Variants in TDRD9 observed in about 807,000 individuals in gnomAD.
TDRD9 encodes ATP-dependent RNA helicase TDRD9.
In TDRD9, 124 loss-of-function variants were observed where a neutral mutation model predicts 172.6. The ratio of observed to expected loss-of-function variants is 0.72; its 90% CI spans 0.62 to 0.83. The LOEUF (loss-of-function observed/expected upper bound fraction) is 0.83. Among genes scored for constraint, TDRD9 ranks in the 40% least tolerant of loss-of-function variants. The pLI, the probability that TDRD9 is intolerant of heterozygous loss-of-function variation, is 0.00. For missense variants in TDRD9, 1,479 were observed against 1,714.1 expected (o/e 0.86, Z 2.42); for synonymous variants, 619 against 617.1 (o/e 1.00, Z -0.05).
At chr14:104,014,336 G>A (rs936085097) in intron 20 of TDRD9, among the ~76,000 whole-genome samples, 1 of 150,748 alleles carries the variant, frequency 6.6e-6, no homozygotes, top group African/African-American at 2.5e-5. Flanking sequence ...CTGTAGTACA[G>A]TGACACAATC....
intron 5 of TDRD9, among the ~76,000 whole-genome samples, chr14:103,968,543 T>C (rs2032855397): frequency 6.6e-6 from 1 of 151,824 alleles, no homozygotes; most frequent in Non-Finnish European, 1.5e-5. Context: ...TCCCAGCACT[T>C]TGGGAGGCCG....
intron 19 of TDRD9, among the ~76,000 whole-genome samples, chr14:104,007,927 G>A (rs2034496243): frequency 6.6e-6 from 1 of 152,048 alleles, no homozygotes; most frequent in Admixed American, 6.5e-5. Flanking sequence ...ACAGGTGCCC[G>A]CCACCACACC....
chr14:104,019,975 C>CA (rs1177396578), intron 23 of TDRD9, among the ~76,000 whole-genome samples: 1 of 152,106 alleles, frequency 6.6e-6, no homozygotes, highest in Non-Finnish European at 1.5e-5. Flanking sequence ...AGAGGTGGTG[C>CA]AGTAGGGTCA....
chr14:104,020,615 C>T (rs893560693), intron 23 of TDRD9, among the ~76,000 whole-genome samples: 5 of 152,064 alleles, frequency 3.3e-5, no homozygotes, highest in South Asian at 2.1e-4. Context: ...GAGGATGGGG[C>T]GTGAAGGAGA....
At position 104,032,215 on chromosome 14, in the gene TDRD9, C is replaced by CT. The variant is rs1297116984; in HGVS notation, c.3509+137dup. On this transcript the variant is annotated intron_variant, in intron 30 of 35. Transcript: ENST00000409874. The stretch of plus-strand genomic sequence containing the variant: ...GTTATCTTTTCTTTTCTTTTCTTTT[C>CT]TTTTTTTTTGAGACAGAGTCTCATT... 3,421 of 444,924 alleles carry CT rather than the reference C, an allele frequency of 7.7e-3. 79 individuals carry two copies. The highest frequency in any genetic ancestry group is 0.073 in the African/African-American group (2,771 of 38,162). The allele number at this position is 444,924 out of a possible 1,614,324, so 27.6% of individuals were successfully genotyped here.
At chr14:104,017,247 T>C (rs1042713521) in intron 22 of TDRD9, among the ~76,000 whole-genome samples, 1 of 151,846 alleles carries the variant, frequency 6.6e-6, no homozygotes, top group South Asian at 2.1e-4. Flanking sequence ...GAGAGCCTAG[T>C]CTGGGGGCCC....
intron 27 of TDRD9, 71 bp downstream of exon 27, chr14:104,026,207 A>G: frequency 5.6e-6 from 6 of 1,076,278 alleles, no homozygotes; most frequent in Non-Finnish European, 8.6e-6. Flanking sequence ...TTCCTGGGTC[A>G]TATGGTGCCC....
At chr14:103,948,869 A>G (rs550269425) in intron 1 of TDRD9, among the ~76,000 whole-genome samples, 2 of 136,568 alleles carry the variant, frequency 1.5e-5, no homozygotes, top group South Asian at 4.9e-4. Context: ...AGACCCTGTG[A>G]CAGAGTGAGA....
chr14:104,031,970 G>A (rs373981186), intron 29 of TDRD9, 47 bp from the exon 30 acceptor site: 50 of 1,280,584 alleles, frequency 3.9e-5, no homozygotes, highest in Non-Finnish European at 5.2e-5. Flanking sequence ...TTCATGTTAA[G>A]TGTTATCTTG....
intron 31 of TDRD9, among the ~76,000 whole-genome samples, chr14:104,034,388 C>G (rs887337898): frequency 6.6e-6 from 1 of 152,036 alleles, no homozygotes; most frequent in Non-Finnish European, 1.5e-5. Context: ...GATGGGGTTT[C>G]ACTGTGTTAG....
At chr14:104,050,018 C>G (rs2035895593) in intron 35 of TDRD9, 1 of 226,582 alleles carries the variant, frequency 4.4e-6, no homozygotes, top group African/African-American at 2.3e-5. Flanking sequence ...ATGTGGCTGG[C>G]TTGGTGGCTT....
At position 103,971,357 on chromosome 14, in the gene TDRD9, T is replaced by G. The variant is rs924688468; in HGVS notation, c.846+736T>G. ...TCTCACTCTGTTGCCCAGGGTGGAG[T>G]GCAGTGGTGCGATCTCAGCTCACTG... On this transcript the variant is annotated intron_variant, in intron 6 of 35. Transcript: ENST00000409874. Among the ~76,000 whole-genome samples, 5 of 151,782 alleles carry G rather than the reference T, an allele frequency of 3.3e-5. No homozygotes were observed. The East Asian group carries it at 5.8e-4, about 18-fold the overall frequency.
intron 7 of TDRD9, among the ~76,000 whole-genome samples, chr14:103,979,770 C>T (rs1281596825): frequency 1.3e-5 from 2 of 152,174 alleles, no homozygotes; most frequent in Non-Finnish European, 2.9e-5. Context: ...GCCTCCTTTC[C>T]ACATTGTACT....
intron 32 of TDRD9, among the ~76,000 whole-genome samples, chr14:104,039,816 T>G (rs181252578): frequency 3.5e-4 from 53 of 152,226 alleles, no homozygotes; most frequent in African/African-American, 1.2e-3. Context: ...TGACAGGTCA[T>G]AAATATGTAC....
In TDRD9 at chr14:103,975,260, G is replaced by C. The variant is rs571055602; in HGVS notation, c.847-129G>C. 2.7e-5 allele frequency: 19 copies of C among 703,288 alleles called. No homozygotes were observed. The Admixed American group carries it at 6.0e-4, about 22-fold the overall frequency. The allele number at this position is 703,288 out of a possible 1,614,324, so 43.6% of individuals were successfully genotyped here. On this transcript the variant is annotated intron_variant, in intron 6 of 35. Transcript: ENST00000409874. ...ATAATTACACTAGAGATTAAATCAG[G>C]GTGGTCTGTTTAAAGTCTCAAAAGT...
At chr14:104,026,225 G>A in intron 27 of TDRD9, 89 bp downstream of exon 27, 1 of 917,380 alleles carries the variant, frequency 1.1e-6, no homozygotes, top group Non-Finnish European at 1.8e-6. Context: ...CCCTGCCTCG[G>A]CTTACAGCTA....
At chr14:103,939,280 T>C (rs960105197) in intron 1 of TDRD9, among the ~76,000 whole-genome samples, 2 of 152,232 alleles carry the variant, frequency 1.3e-5, no homozygotes, top group Non-Finnish European at 2.9e-5. Flanking sequence ...GGGCTTCATA[T>C]ACAAACTTCA....
chr14:103,942,532 C>T lies in TDRD9; in HGVS notation c.216-13132C>T, dbSNP rs528664562. 7.9e-4 allele frequency among the ~76,000 whole-genome samples: 120 copies of T among 152,274 alleles called. 2 individuals carry two copies. The South Asian group carries it at 0.019, about 24-fold the overall frequency. On this transcript the variant is annotated intron_variant, in intron 1 of 35. Coordinates refer to ENST00000409874, the MANE Select transcript of TDRD9 (RefSeq NM_153046.3). ...CGCTCCGAGCTAGAGTGAAGACTGT[C>T]GCGTGATGTGATGCTTTGCTGTGCA...
intron 9 of TDRD9, among the ~76,000 whole-genome samples, chr14:103,991,561 C>T (rs539337113): frequency 8.2e-4 from 124 of 151,706 alleles, no homozygotes; most frequent in African/African-American, 2.6e-3. Flanking sequence ...TACAGGTGCA[C>T]GCCACCACGC....
Sources: gnomAD v4.1 joint callset for allele counts (sites outside exome capture counted in the v4.1 genomes callset) on GRCh38, gnomAD v4.1.1 for gene constraint, MANE v1.5 for transcripts, NCBI Gene and HGNC (gene_info 2026-07-23, HGNC 2026-07-21) for gene names.